Variants in ARHGEF3 observed in about 807,000 individuals in gnomAD.
ARHGEF3 encodes the protein 59.8 kDA protein.
Under a neutral mutation model 63.2 loss-of-function variants are expected in ARHGEF3, and 28 were observed. That is an observed-to-expected ratio of 0.44 (90% CI 0.33 to 0.61). The LOEUF (loss-of-function observed/expected upper bound fraction) is 0.61. Among genes scored for constraint, ARHGEF3 ranks in the 20% least tolerant of loss-of-function variants. ARHGEF3 has a pLI of 0.03. For missense variants in ARHGEF3, 533 were observed against 659.3 expected, an observed-to-expected ratio of 0.81 and a Z score of 2.10; for synonymous variants, 266 against 254.2, an observed-to-expected ratio of 1.05 and a Z score of -0.44.
At chr3:56,772,285 A>G (rs1353261884) in intron 2 of ARHGEF3, among the ~76,000 whole-genome samples, 1 of 152,226 alleles carries the variant, frequency 6.6e-6, no homozygotes, top group Non-Finnish European at 1.5e-5. Flanking sequence ...ATGGGAAAGT[A>G]GCAAGAACCA....
At chr3:56,943,326 G>A (rs550958273) in intron 3 of ARHGEF3, among the ~76,000 whole-genome samples, 1 of 152,320 alleles carries the variant, frequency 6.6e-6, no homozygotes, top group South Asian at 2.1e-4. Flanking sequence ...TAAGAATGAT[G>A]CTAAATCTAC....
intron 4 of ARHGEF3, among the ~76,000 whole-genome samples, chr3:56,853,442 T>C (rs1340666031): frequency 6.6e-6 from 1 of 152,202 alleles, no homozygotes; most frequent in Non-Finnish European, 1.5e-5. Context: ...GTTCAAGCAA[T>C]TCTCCTGCCT....
chr3:57,004,753 G>A (rs1331937290), intron 2 of ARHGEF3, among the ~76,000 whole-genome samples: 2 of 152,180 alleles, frequency 1.3e-5, no homozygotes, highest in African/African-American at 4.8e-5. Context: ...ATTGCTTGAG[G>A]CAAGGAGTTC....
At chr3:57,078,434 C>A (rs1560183975) in intron 1 of ARHGEF3, 1 of 152,292 alleles carries the variant, frequency 6.6e-6, no homozygotes, top group Admixed American at 6.5e-5. Context: ...CCGCAACATT[C>A]AAGCCCGTGA....
chr3:56,816,536 C>A (rs1300014081), intron 4 of ARHGEF3, among the ~76,000 whole-genome samples: 1 of 152,142 alleles, frequency 6.6e-6, no homozygotes, highest in Non-Finnish European at 1.5e-5. Context: ...AGGCTACATC[C>A]CCATTGCCAA....
intron 3 of ARHGEF3, among the ~76,000 whole-genome samples, chr3:56,938,304 G>A (rs1346901487): frequency 6.6e-6 from 1 of 152,046 alleles, no homozygotes; most frequent in Admixed American, 6.6e-5. Flanking sequence ...ACTTATATAG[G>A]GCAGCCCATT....
At chr3:56,823,657 G>T (rs2038601767) in intron 4 of ARHGEF3, among the ~76,000 whole-genome samples, 2 of 152,126 alleles carry the variant, frequency 1.3e-5, no homozygotes, top group Non-Finnish European at 2.9e-5. Context: ...TGCCATAAAT[G>T]AATTCCAGAG....
At chr3:56,882,252 T>A in intron 4 of ARHGEF3, 2 of 1,520,692 alleles carry the variant, frequency 1.3e-6, no homozygotes, top group South Asian at 2.4e-5. Flanking sequence ...AGAAGAGAGA[T>A]GCTCTCGGTG....
chr3:56,771,469 A>C (rs1435101169), intron 2 of ARHGEF3, among the ~76,000 whole-genome samples: 1 of 152,236 alleles, frequency 6.6e-6, no homozygotes, highest in African/African-American at 2.4e-5. Context: ...CCAGGAGCAC[A>C]AACACAAAAA....
intron 4 of ARHGEF3, among the ~76,000 whole-genome samples, chr3:56,861,389 G>C (rs1024297887): frequency 1.3e-5 from 2 of 152,124 alleles, no homozygotes; most frequent in African/African-American, 4.8e-5. Flanking sequence ...CTATCATCTA[G>C]GTTTGGTAGA....
chr3:56,811,162 A>G (rs977993633), intron 4 of ARHGEF3, among the ~76,000 whole-genome samples: 1 of 152,220 alleles, frequency 6.6e-6, no homozygotes, highest in African/African-American at 2.4e-5. Context: ...CGAGTAAACT[A>G]CCAAGTAAGC....
chr3:57,006,379 T>G (rs573119930), intron 2 of ARHGEF3, among the ~76,000 whole-genome samples: 1 of 152,288 alleles, frequency 6.6e-6, no homozygotes, highest in African/African-American at 2.4e-5. Context: ...GCCATCAAAG[T>G]GGCTAATGGC....
intron 3 of ARHGEF3, among the ~76,000 whole-genome samples, chr3:56,954,978 T>C (rs1423941067): frequency 6.6e-6 from 1 of 152,030 alleles, no homozygotes; most frequent in Non-Finnish European, 1.5e-5. Flanking sequence ...TATTTTGAAA[T>C]CTCTCTTCTC....
chr3:56,774,948 G>T, intron 1 of ARHGEF3: 1 of 1,347,780 alleles, frequency 7.4e-7, no homozygotes, highest in Non-Finnish European at 9.9e-7. Flanking sequence ...AGGCTATGGG[G>T]AAGAGAATGA....
chr3:57,035,299 C>T (rs1195126936), intron 1 of ARHGEF3: 1 of 473,922 alleles, frequency 2.1e-6, no homozygotes, highest in Non-Finnish European at 3.6e-6. Context: ...CACCAAAATC[C>T]AATATTTCCT....
chr3:56,873,548 G>A (rs1211034575), intron 4 of ARHGEF3, among the ~76,000 whole-genome samples: 1 of 152,086 alleles, frequency 6.6e-6, no homozygotes, highest in East Asian at 1.9e-4. Flanking sequence ...TCCCTGCAAA[G>A]GACATGATCT....
rs942021345 is a variant in ARHGEF3 at position 56,782,468 on chromosome 3, G to A, written c.97-8652C>T. Among the ~76,000 whole-genome samples, 8 of 151,966 alleles carry A rather than the reference G, an allele frequency of 5.3e-5. No homozygotes were observed. The East Asian group carries it at 1.5e-3, about 29-fold the overall frequency. Reference sequence around the variant, plus strand: ...GAGGCATCCCTGCTATCTTTGTCTTGGCTAATCTCAAACATGGAAGCCACA... The same window carrying A: ...GAGGCATCCCTGCTATCTTTGTCTTAGCTAATCTCAAACATGGAAGCCACA... On this transcript the variant is annotated intron_variant, in intron 1 of 9. Transcript: ENST00000296315.
chr3:56,965,920 T>C lies in ARHGEF3; in HGVS notation c.63-7031A>G, dbSNP rs905328634. 2.6e-5 allele frequency among the ~76,000 whole-genome samples: 4 copies of C among 152,058 alleles called. No homozygotes were observed. The South Asian group carries it at 8.3e-4, about 32-fold the overall frequency. On this transcript the variant is annotated intron_variant, in intron 2 of 12. Transcript: ENST00000338458. ...GGCTCGGCCTCCCAAAGTGCTGGGA[T>C]TACAGGTGTGAGCCACTGCGCCTGG...
intron 2 of ARHGEF3, among the ~76,000 whole-genome samples, chr3:57,011,527 T>C (rs1304035881): frequency 6.6e-6 from 1 of 152,132 alleles, no homozygotes; most frequent in Non-Finnish European, 1.5e-5. Context: ...CCAGGGATGC[T>C]GCTGAACATC....
Sources: gnomAD v4.1 joint callset for allele counts (sites outside exome capture counted in the v4.1 genomes callset) on GRCh38, gnomAD v4.1.1 for gene constraint, MANE v1.5 for transcripts, NCBI Gene and HGNC (gene_info 2026-07-23, HGNC 2026-07-21) for gene names.